Variants in S100A8 observed in about 807,000 individuals in gnomAD.
S100A8 encodes the protein protein S100-A8.
In S100A8, 1 loss-of-function variant was observed where a neutral mutation model predicts 4.2. That is an observed-to-expected ratio of 0.24 (90% CI 0.08 to 1.12). The LOEUF (loss-of-function observed/expected upper bound fraction) is 1.12, where lower values mean the gene tolerates loss of function less well. Among genes scored for constraint, S100A8 ranks in the 50% most tolerant of loss-of-function variants. S100A8 has a pLI of 0.53. For synonymous variants in S100A8, 41 were observed against 44.7 expected (o/e 0.92, Z 0.33); for missense variants, 96 against 111.8 (o/e 0.86, Z 0.64).
chr1:153,412,760 T>C, the S100A8 span, among the ~76,000 whole-genome samples: 1 of 152,016 alleles, frequency 6.6e-6, no homozygotes, highest in Non-Finnish European at 1.5e-5. Flanking sequence ...ATAGACTGGA[T>C]TAAGAAAATG....
Position 153,391,029 on chromosome 1 carries a change from A to T in S100A8, c.-23+12T>A, listed in dbSNP as rs530696294. 52 of 987,514 alleles carry T rather than the reference A, an allele frequency of 5.3e-5. No individual in the cohort carries two copies. The highest frequency in any genetic ancestry group is 6.1e-5 in the Non-Finnish European group (51 of 831,146). The allele number at this position is 987,514 out of a possible 1,614,324, so 61.2% of individuals were successfully genotyped here. A position where few individuals can be genotyped will look rare whatever the true frequency, so the allele number is the denominator to read the frequency against. On this transcript the variant is annotated intron_variant, in intron 1 of 2. Transcript: ENST00000368733. ...CCCAAAGTGCGGGGCCAACCCAGACAGTCCCACTTACCAGGTCTTCTGAAA... is the reference window on the plus strand; with the variant it reads ...CCCAAAGTGCGGGGCCAACCCAGACTGTCCCACTTACCAGGTCTTCTGAAA...
At chr1:153,403,772 G>A in the S100A8 span, among the ~76,000 whole-genome samples, 4 of 152,148 alleles carry the variant, frequency 2.6e-5, no homozygotes, top group Non-Finnish European at 5.9e-5. Flanking sequence ...CCAAATGTGT[G>A]GGGGTTATAT....
the S100A8 span, chr1:153,419,083 C>T: frequency 1.6e-4 from 245 of 1,573,732 alleles, 3 homozygotes; most frequent in East Asian, 5.0e-3. Context: ...CTCCTCTCCC[C>T]TCCCAGCCCA....
chr1:153,422,002 G>A, the S100A8 span: 4 of 152,286 alleles, frequency 2.6e-5, no homozygotes, highest in Non-Finnish European at 4.4e-5. Flanking sequence ...ACATCTATTC[G>A]GATATTCTGT....
At chr1:153,394,544 G>T (rs1191846963), upstream of S100A8, among the ~76,000 whole-genome samples, 2 of 152,126 alleles carry the variant, frequency 1.3e-5, no homozygotes, top group Non-Finnish European at 1.5e-5. Context: ...GTCCTGTCTC[G>T]GCGGAGAGTA....
chr1:153,420,842 T>C, the S100A8 span: 28,377 of 151,592 alleles, frequency 0.19, 4,405 homozygotes, highest in African/African-American at 0.43. Flanking sequence ...CAGCCTGCCC[T>C]CCATCATCCA....
At chr1:153,399,583 A>G in the S100A8 span, among the ~76,000 whole-genome samples, 2 of 152,116 alleles carry the variant, frequency 1.3e-5, no homozygotes, top group Non-Finnish European at 2.9e-5. Flanking sequence ...GAGTACCTAC[A>G]GTGTGCCAGG....
At chr1:153,404,981 T>G in the S100A8 span, among the ~76,000 whole-genome samples, 3 of 150,906 alleles carry the variant, frequency 2.0e-5, no homozygotes, top group African/African-American at 7.3e-5. Context: ...AGGGCCAGAG[T>G]TTTGTCCTGG....
At chr1:153,400,511 T>A in the S100A8 span, among the ~76,000 whole-genome samples, 2 of 152,086 alleles carry the variant, frequency 1.3e-5, no homozygotes, top group African/African-American at 4.8e-5. Context: ...AAAGGGCAGG[T>A]CATCAAACCA....
At chr1:153,413,100 C>G in the S100A8 span, among the ~76,000 whole-genome samples, 1 of 152,056 alleles carries the variant, frequency 6.6e-6, no homozygotes, top group Admixed American at 6.6e-5. Context: ...AGACTGCACG[C>G]TGTGCACATG....
At chr1:153,394,656 C>G (rs940708391), upstream of S100A8, among the ~76,000 whole-genome samples, 9 of 152,128 alleles carry the variant, frequency 5.9e-5, no homozygotes, top group African/African-American at 2.2e-4. Context: ...CCAGCTAGGT[C>G]CTGAAAGGCA....
chr1:153,407,868 G>C, the S100A8 span, among the ~76,000 whole-genome samples: 3 of 152,174 alleles, frequency 2.0e-5, no homozygotes, highest in Admixed American at 2.0e-4. Flanking sequence ...GTCTGGAGTG[G>C]ACCTCCAGCA....
chr1:153,392,137 C>A (rs1345336387), upstream of S100A8, among the ~76,000 whole-genome samples: 1 of 152,060 alleles, frequency 6.6e-6, no homozygotes, highest in African/African-American at 2.4e-5. Context: ...AGAATCCCTA[C>A]AACTCAACAA....
the S100A8 span, chr1:153,417,986 C>T: frequency 3.2e-6 from 5 of 1,550,670 alleles, no homozygotes; most frequent in Non-Finnish European, 4.4e-6. Context: ...TTACTCTGTC[C>T]TCAGCCCTCC....
At chr1:153,414,988 C>T in the S100A8 span, among the ~76,000 whole-genome samples, 1 of 152,200 alleles carries the variant, frequency 6.6e-6, no homozygotes, top group Admixed American at 6.5e-5. Flanking sequence ...CATCTGTATG[C>T]ATGATGTACC....
chr1:153,411,715 T>C, the S100A8 span, among the ~76,000 whole-genome samples: 4 of 152,192 alleles, frequency 2.6e-5, no homozygotes, highest in Admixed American at 6.5e-5. Context: ...GGCATCACAC[T>C]ACCTGACTTC....
chr1:153,400,198 A>C, the S100A8 span, among the ~76,000 whole-genome samples: 1 of 152,190 alleles, frequency 6.6e-6, no homozygotes, highest in Non-Finnish European at 1.5e-5. Flanking sequence ...GATTTTTTAA[A>C]TCAGTTGGGT....
At chr1:153,414,952 C>T in the S100A8 span, among the ~76,000 whole-genome samples, 5 of 152,204 alleles carry the variant, frequency 3.3e-5, no homozygotes, top group African/African-American at 1.2e-4. Context: ...TCTCCAGTGT[C>T]TATGATTCTA....
the S100A8 span, among the ~76,000 whole-genome samples, chr1:153,415,679 T>C: frequency 1.0e-5 from 1 of 96,070 alleles, no homozygotes; most frequent in Non-Finnish European, 2.0e-5. Context: ...AAAGAACTTT[T>C]CCCACTCCCT....
Sources: gnomAD v4.1 joint callset for allele counts (sites outside exome capture counted in the v4.1 genomes callset) on GRCh38, gnomAD v4.1.1 for gene constraint, MANE v1.5 for transcripts, NCBI Gene and HGNC (gene_info 2026-07-23, HGNC 2026-07-21) for gene names.